The following LRP5 variants were observed in gnomAD, a reference collection of about 807,000 sequenced individuals.
LRP5 encodes the protein low-density lipoprotein receptor-related protein 5.
A neutral mutation model predicts 154.1 loss-of-function variants in LRP5; 62 were observed. The observed-to-expected ratio is 0.40, with a 90% CI of 0.33 to 0.50. LRP5 has a LOEUF of 0.50. Ranked by LOEUF, LRP5 falls within the 20% of genes least tolerant of loss-of-function variation. LRP5 has a pLI of 0.55. For missense variants in LRP5, 1,915 were observed against 2,336.7 expected, an observed-to-expected ratio of 0.82 and a Z score of 3.72; for synonymous variants, 966 against 1,011.5, an observed-to-expected ratio of 0.96 and a Z score of 0.85.
chr11:68,405,782 T>G (rs1361783606), intron 8 of LRP5, among the ~76,000 whole-genome samples: 1 of 152,244 alleles, frequency 6.6e-6, no homozygotes, highest in Admixed American at 6.5e-5. Flanking sequence ...CGGTCTGTAC[T>G]ATGTGAAAAA....
intron 1 of LRP5, among the ~76,000 whole-genome samples, chr11:68,321,264 G>T (rs1359340193): frequency 1.3e-5 from 2 of 152,102 alleles, no homozygotes; most frequent in South Asian, 2.1e-4. Flanking sequence ...TTGTGTACCG[G>T]AATGCTGCTG....
rs537731077 is a variant in LRP5 at position 68,383,004 on chromosome 11, A to C, written c.1016-3312A>C. 4.1e-4 allele frequency among the ~76,000 whole-genome samples: 62 copies of C among 152,106 alleles called. 1 individual carries two copies. The South Asian group carries it at 0.013, about 31-fold the overall frequency. On this transcript the variant is annotated intron_variant, in intron 5 of 22. Coordinates refer to ENST00000294304, the MANE Select transcript of LRP5 (RefSeq NM_002335.4). ...GTGATTCTCCTGCCTCAGCCTCCCA[A>C]GTAGCTGGAATTACAGGAGTGCGCC...
chr11:68,323,659 A>T (rs1261784745), intron 1 of LRP5, among the ~76,000 whole-genome samples: 1 of 151,958 alleles, frequency 6.6e-6, no homozygotes, highest in Admixed American at 6.5e-5. Flanking sequence ...GGCTTAAGTG[A>T]TCCTCTTGCC....
chr11:68,433,571 C>T (rs767942621), intron 17 of LRP5, 31 bp from the exon 18 acceptor site: 16 of 1,573,316 alleles, frequency 1.0e-5, no homozygotes, highest in African/African-American at 9.4e-5. Context: ...GGCGGGGCTG[C>T]GTGTGATGTT....
In LRP5 at chr11:68,433,726, C is replaced by T. The variant is rs752439831; in HGVS notation, c.3888C>T (p.Pro1296=). ...ACCAGAGCGACGAGGAGGGCTGCCC[C>T]GTGTGCTCCGCCGCCCAGTTCCCCT... ...CDDQSDEEGC[P]VCSAAQFPCA... is the part of the protein sequence containing the mutation. Residue 1296 remains proline (P), a synonymous_variant, in exon 18 of 23, where the codon CCC becomes CCT. Transcript: ENST00000294304. 110 of 1,612,934 alleles carry T rather than the reference C, an allele frequency of 6.8e-5. 2 individuals are homozygous for T. The East Asian group carries it at 1.6e-3, about 23-fold the overall frequency.
chr11:68,389,265 A>C (rs1324993141), intron 6 of LRP5, among the ~76,000 whole-genome samples: 2 of 151,908 alleles, frequency 1.3e-5, no homozygotes, highest in African/African-American at 4.8e-5. Context: ...GACATTTACC[A>C]ACACTGACAT....
At position 68,386,660 on chromosome 11, in the gene LRP5, G is replaced by A. The variant is rs373910016; in HGVS notation, c.1360G>A (p.Val454Met). 13 of 1,613,466 alleles carry A rather than the reference G, an allele frequency of 8.1e-6. No individual in the cohort carries two copies. The highest frequency in any genetic ancestry group is 1.1e-5 in the Non-Finnish European group (13 of 1,179,954). ...RLNGTSRKIL[V>M]SEDLDEPRAI... ...CAACGGCACCTCCCGCAAGATCCTG[G>A]TGTCGGAGGACCTGGACGAGCCCCG... is the stretch of plus-strand genomic sequence containing the variant. Residue 454 changes from valine (V) to methionine (M), a missense_variant, in exon 6 of 23, where the codon GTG becomes ATG. Physicochemically the swap from Val to Met is conservative, Grantham distance 21. Around this residue, in one of 3 missense-constraint regions of LRP5, gnomAD observed 773 missense variants for 1,100.9 expected, o/e 0.70. Transcript: ENST00000294304. This position sits in a 1 kb window ranked among gnomAD's most constrained non-coding sequence, Gnocchi z 7.9.
intron 1 of LRP5, among the ~76,000 whole-genome samples, chr11:68,334,498 C>G (rs774712508): frequency 3.3e-5 from 5 of 152,160 alleles, no homozygotes; most frequent in Non-Finnish European, 7.3e-5. Context: ...GAGACAGTAC[C>G]CAGACACATA....
intron 1 of LRP5, among the ~76,000 whole-genome samples, chr11:68,314,149 T>A (rs2098591143): frequency 6.6e-6 from 1 of 152,152 alleles, no homozygotes; most frequent in African/African-American, 2.4e-5. Flanking sequence ...CGGAAATGCC[T>A]GGGTCAAGGA....
rs574352637 is a variant in LRP5, at chr11:68,326,942, A to C, written c.91+14137A>C. Among the ~76,000 whole-genome samples the C allele has an allele frequency of 2.0e-5, 3 of 152,294 alleles. No individual in the cohort carries two copies. The East Asian group carries it at 5.8e-4, about 29-fold the overall frequency. Reference sequence around the variant, plus strand: ...GTACCTCCATGCCCCTGTCCTGCAGATGTCAACACCCAGTTGAGGAGAACG... The same window carrying C: ...GTACCTCCATGCCCCTGTCCTGCAGCTGTCAACACCCAGTTGAGGAGAACG... On this transcript the variant is annotated intron_variant, in intron 1 of 22. Coordinates refer to ENST00000294304, the MANE Select transcript of LRP5 (RefSeq NM_002335.4).
chr11:68,357,713 C>T lies in LRP5; in HGVS notation c.552C>T (p.Ser184=), dbSNP rs764102072. 1 of 1,614,168 alleles carries T rather than the reference C, an allele frequency of 6.2e-7. No homozygotes were observed. Among genetic ancestry groups the T allele is most frequent in the Admixed American group, 1.7e-5 (1 of 60,018 alleles). ...PRIERAGMDG[S]TRKIIVDSDI... Reference sequence around the variant, plus strand: ...TTGAGCGGGCAGGGATGGATGGCAGCACCCGGAAGATCATTGTGGACTCGG... The same window carrying T: ...TTGAGCGGGCAGGGATGGATGGCAGTACCCGGAAGATCATTGTGGACTCGG... The change falls in exon 3 of 23, where the codon AGC becomes AGT. Residue 184 remains serine, a synonymous_variant. Transcript: ENST00000294304.
chr11:68,406,912 C>G (rs1361357501), intron 9 of LRP5, 99 bp downstream of exon 9: 73 of 1,217,274 alleles, frequency 6.0e-5, no homozygotes, highest in Non-Finnish European at 7.8e-5. Context: ...AAAGCACTAT[C>G]GTATTTATTG....
At chr11:68,328,368 A>G (rs543456026) in intron 1 of LRP5, among the ~76,000 whole-genome samples, 46 of 152,222 alleles carry the variant, frequency 3.0e-4, no homozygotes, top group Non-Finnish European at 5.6e-4. Context: ...AGCTGGTACA[A>G]AGGTATGTTT....
chr11:68,366,180 G>A (rs1216252341), intron 5 of LRP5, among the ~76,000 whole-genome samples: 8 of 152,184 alleles, frequency 5.3e-5, no homozygotes, highest in Non-Finnish European at 4.4e-5. Context: ...CCTGGCAAGC[G>A]AGGGGGTAAC....
At chr11:68,319,661 C>T (rs528155716) in intron 1 of LRP5, among the ~76,000 whole-genome samples, 1 of 152,290 alleles carries the variant, frequency 6.6e-6, no homozygotes, top group East Asian at 1.9e-4. Context: ...CTACTTTGTA[C>T]TTTTGCTTTT....
chr11:68,362,137 C>T (rs1427854884), intron 3 of LRP5, among the ~76,000 whole-genome samples: 1 of 152,106 alleles, frequency 6.6e-6, no homozygotes, highest in Non-Finnish European at 1.5e-5. Context: ...GGATGAACCT[C>T]GAAAACATGG....
intron 3 of LRP5, among the ~76,000 whole-genome samples, chr11:68,360,908 A>G (rs996186513): frequency 1.4e-5 from 2 of 144,916 alleles, no homozygotes; most frequent in Admixed American, 1.4e-4. Context: ...GAGGCAGGAG[A>G]ATGGCGTGAA....
At position 68,356,065 on chromosome 11, in the gene LRP5, C is replaced by T. The variant is rs189161708; in HGVS notation, c.489-1585C>T. Among the ~76,000 whole-genome samples, 13 of 150,868 alleles carry T rather than the reference C, an allele frequency of 8.6e-5. 1 individual carries two copies. The highest frequency in any genetic ancestry group is 3.3e-4 in the Admixed American group (5 of 15,148). ...TTCACCGTGTTAGCCAGGATGGTCT[C>T]GATCTCCTGACCTCGTGATCCGCCC... On this transcript the variant is annotated intron_variant, in intron 2 of 22. Transcript: ENST00000294304.
rs60278908 is a variant in LRP5, at chr11:68,331,743, C to CTG, written c.92-16074_92-16073dup. ...CAGTCAATTATGGTTTTCCTCTGGG[C>CTG]TGTGTGTGTGTGTGTGTGTGTGTGT... On this transcript the variant is annotated intron_variant, in intron 1 of 22. Coordinates refer to ENST00000294304, the MANE Select transcript of LRP5 (RefSeq NM_002335.4). 1.8e-3 allele frequency among the ~76,000 whole-genome samples: 273 copies of CTG among 148,244 alleles called. 2 individuals are homozygous for CTG. Among genetic ancestry groups the CTG allele is most frequent in the African/African-American group, 5.2e-3 (208 of 39,926 alleles).
Sources: gnomAD v4.1 joint callset for allele counts (sites outside exome capture counted in the v4.1 genomes callset) on GRCh38, gnomAD v4.1.1 for gene constraint, gnomAD v4.1.1 regional missense constraint, Gnocchi (gnomAD v3.1) non-coding constraint, MANE v1.5 for transcripts, NCBI Gene and HGNC (gene_info 2026-07-23, HGNC 2026-07-21) for gene names.